The following ATF2 variants were observed in gnomAD, a reference collection of about 807,000 sequenced individuals.
The protein encoded by ATF2 is activating transcription factor 2.
A neutral mutation model predicts 60.6 loss-of-function variants in ATF2; 24 were observed. The ratio of observed to expected loss-of-function variants is 0.40; its 90% CI spans 0.29 to 0.56. The LOEUF (loss-of-function observed/expected upper bound fraction) is 0.56, where lower values mean the gene tolerates loss of function less well. Among genes scored for constraint, ATF2 ranks in the 20% least tolerant of loss-of-function variants. The probability of loss-of-function intolerance (pLI) is 0.54; values close to 1 mark genes in which losing one functional copy is unlikely to be tolerated. For synonymous variants in ATF2, 206 were observed against 215.4 expected, an observed-to-expected ratio of 0.96 and a Z score of 0.38; for missense variants, 433 against 607.7, an observed-to-expected ratio of 0.71 and a Z score of 3.02.
rs566193326 is a variant in ATF2 at position 175,127,468 on chromosome 2, C to T, written c.102+2670G>A. Among the ~76,000 whole-genome samples the T allele has an allele frequency of 3.3e-5, 5 of 152,276 alleles. No individual in the cohort carries two copies. In the South Asian group the frequency reaches 1.0e-3, roughly 32 times the overall value. ...GTTAACACCTAATTCAAACCACCAT[C>T]ATCTCTCACCTGGACTGCTGTCAGC... On this transcript the variant is annotated intron_variant, in intron 4 of 13. Coordinates refer to ENST00000264110, the MANE Select transcript of ATF2 (RefSeq NM_001880.4).
intron 4 of ATF2, among the ~76,000 whole-genome samples, chr2:175,122,057 T>G (rs1205477283): frequency 1.3e-5 from 2 of 151,950 alleles, no homozygotes; most frequent in African/African-American, 4.8e-5. Flanking sequence ...AATGCCTTTG[T>G]TTTAATCCAG....
At chr2:175,088,764 T>A (rs901705232) in intron 12 of ATF2, among the ~76,000 whole-genome samples, 4 of 152,084 alleles carry the variant, frequency 2.6e-5, no homozygotes, top group Admixed American at 2.6e-4. Flanking sequence ...TAAGGAAACA[T>A]GCTACATTTA....
chr2:175,121,589 A>AT lies in ATF2; in HGVS notation c.103-50dup, dbSNP rs1323919651. The AT allele has an allele frequency of 2.2e-6, 3 of 1,366,682 alleles. No homozygotes were observed. The East Asian group carries it at 7.1e-5, about 33-fold the overall frequency. The allele number at this position is 1,366,682 out of a possible 1,614,324, so 84.7% of individuals were successfully genotyped here. On this transcript the variant is annotated intron_variant, in intron 4 of 13. Transcript: ENST00000264110. Reference sequence around the variant, plus strand: ...TAGTTAAGATTTTCAATTTGATCAAATAAGTAAAATGATTAGGAAATTAAT... The same window carrying AT: ...TAGTTAAGATTTTCAATTTGATCAAATTAAGTAAAATGATTAGGAAATTAAT...
At chr2:175,135,006 TAAAAAAAAAAAAA>T (rs60122560) in intron 3 of ATF2, among the ~76,000 whole-genome samples, 17 of 85,782 alleles carry the variant, frequency 2.0e-4, no homozygotes, top group Non-Finnish European at 2.3e-5. Flanking sequence ...CCCATCTCTT[TAAAAAAAAAAAAA>T]AAAAAAAAAA....
chr2:175,145,842 T>C (rs191151681), intron 2 of ATF2, among the ~76,000 whole-genome samples: 4 of 152,250 alleles, frequency 2.6e-5, no homozygotes, highest in Admixed American at 2.0e-4. Flanking sequence ...ATGATAGTAA[T>C]GGATCACATC....
In ATF2 at chr2:175,072,633, C is replaced by G. The variant is rs1693013844; in HGVS notation, c.*1976G>C. On this transcript the variant is annotated 3_prime_UTR_variant, in exon 14 of 14. Coordinates refer to ENST00000264110, the MANE Select transcript of ATF2 (RefSeq NM_001880.4). ...AGGACTTAAGAGTGAAAAATTGAGG[C>G]TTTTCCTAACCCATTCAAACTACAA... 6.6e-6 allele frequency: 1 copy of G among 152,076 alleles called. No individual in the cohort carries two copies. The highest frequency in any genetic ancestry group is 1.5e-5 in the Non-Finnish European group (1 of 67,986). 9.4% of individuals were successfully genotyped at this position (152,076 alleles called of 1,614,324 possible).
chr2:175,156,757 G>A (rs985822700), intron 1 of ATF2, among the ~76,000 whole-genome samples: 2 of 152,204 alleles, frequency 1.3e-5, no homozygotes, highest in Admixed American at 1.3e-4. Flanking sequence ...CACTCATCTT[G>A]GCTTTGTAAG....
Position 175,142,178 on chromosome 2 carries a change from T to C in ATF2, c.-43-5692A>G, listed in dbSNP as rs2105785727. Among the ~76,000 whole-genome samples, 3 of 148,504 alleles carry C rather than the reference T, an allele frequency of 2.0e-5. No homozygotes were observed. The East Asian group carries it at 5.8e-4, about 29-fold the overall frequency. On this transcript the variant is annotated intron_variant, in intron 2 of 13. Transcript: ENST00000264110. ...AAAGTGAAGGCTTCCTCTTTCCAGTTTTCTTTTCTTTTTTTTTTTTTTTTT... is the reference window on the plus strand; with the variant it reads ...AAAGTGAAGGCTTCCTCTTTCCAGTCTTCTTTTCTTTTTTTTTTTTTTTTT...
chr2:175,084,142 G>C (rs1693969244), intron 12 of ATF2, among the ~76,000 whole-genome samples: 1 of 151,914 alleles, frequency 6.6e-6, no homozygotes, highest in African/African-American at 2.4e-5. Context: ...CCCATTACTG[G>C]GTATATACCC....
intron 9 of ATF2, among the ~76,000 whole-genome samples, chr2:175,113,103 T>C (rs1475578725): frequency 1.3e-5 from 2 of 152,194 alleles, no homozygotes; most frequent in Non-Finnish European, 2.9e-5. Context: ...GAAACTGTGC[T>C]AGATGTCTCA....
At chr2:175,135,542 A>T (rs1004195710) in intron 3 of ATF2, among the ~76,000 whole-genome samples, 2 of 152,232 alleles carry the variant, frequency 1.3e-5, no homozygotes, top group African/African-American at 4.8e-5. Flanking sequence ...GTCAAAAAAC[A>T]CTAAGATGAA....
At chr2:175,107,921 C>T (rs969500860) in intron 10 of ATF2, among the ~76,000 whole-genome samples, 2 of 152,188 alleles carry the variant, frequency 1.3e-5, no homozygotes, top group Non-Finnish European at 2.9e-5. Flanking sequence ...TCGCTACAAC[C>T]TCCACCTCCC....
intron 7 of ATF2, among the ~76,000 whole-genome samples, chr2:175,116,341 G>GA (rs35001991): frequency 0.26 from 39,484 of 151,824 alleles, 6,067 homozygotes; most frequent in African/African-American, 0.44. Context: ...CAGTGTAAAA[G>GA]AAAGAAGAAA....
intron 10 of ATF2, 97 bp downstream of exon 10, chr2:175,111,471 A>G: frequency 8.9e-7 from 1 of 1,121,034 alleles, no homozygotes; most frequent in Non-Finnish European, 1.3e-6. Context: ...ACTTTATAAA[A>G]ATGTGATCTA....
chr2:175,074,858 A>T (rs992616431), intron 13 of ATF2, 23 bp from the exon 14 acceptor site: 1 of 1,612,342 alleles, frequency 6.2e-7, no homozygotes, highest in Non-Finnish European at 8.5e-7. Context: ...AAGAAAAATT[A>T]TTCATTTTCC....
At chr2:175,131,951 A>G (rs1288125638) in intron 3 of ATF2, among the ~76,000 whole-genome samples, 1 of 152,216 alleles carries the variant, frequency 6.6e-6, no homozygotes, top group Admixed American at 6.5e-5. Context: ...TTAAAACAAT[A>G]TATTTTCAAA....
At chr2:175,164,271 C>T (rs960119838) in intron 1 of ATF2, among the ~76,000 whole-genome samples, 3 of 151,758 alleles carry the variant, frequency 2.0e-5, no homozygotes, top group Non-Finnish European at 4.4e-5. Flanking sequence ...TAGTGGCTCA[C>T]GCCTGTAATC....
At chr2:175,100,015 C>T (rs1161566742) in intron 10 of ATF2, among the ~76,000 whole-genome samples, 2 of 152,238 alleles carry the variant, frequency 1.3e-5, no homozygotes, top group Non-Finnish European at 2.9e-5. Flanking sequence ...TTCTGACAGA[C>T]TACTTCTTTA....
chr2:175,119,442 C>G (rs570182460), intron 5 of ATF2, among the ~76,000 whole-genome samples: 1 of 151,608 alleles, frequency 6.6e-6, no homozygotes, highest in South Asian at 2.1e-4. Flanking sequence ...CCACAGAGGG[C>G]ATTACTTCCT....
Sources: allele counts gnomAD v4.1 joint callset (sites outside exome capture counted in the v4.1 genomes callset), GRCh38; gene constraint gnomAD v4.1.1; transcripts MANE v1.5; gene names NCBI Gene and HGNC (gene_info 2026-07-23, HGNC 2026-07-21).